The following PCDH7 variants were observed in gnomAD, a reference collection of about 807,000 sequenced individuals.
The protein encoded by PCDH7 is protocadherin-7.
PCDH7 carries 17 observed loss-of-function variants against 58.9 expected under a neutral mutation model. The ratio of observed to expected loss-of-function variants is 0.29; its 90% CI spans 0.20 to 0.43. The LOEUF (loss-of-function observed/expected upper bound fraction) is 0.43. Ranked by LOEUF, PCDH7 falls within the 20% of genes least tolerant of loss-of-function variation. The probability of loss-of-function intolerance (pLI) is 1.00; values close to 1 mark genes in which losing one functional copy is unlikely to be tolerated. For synonymous variants in PCDH7, 664 were observed against 616.4 expected, an observed-to-expected ratio of 1.08 and a Z score of -1.14; for missense variants, 1,274 against 1,441.0, an observed-to-expected ratio of 0.88 and a Z score of 1.88.
intron 1 of PCDH7, among the ~76,000 whole-genome samples, chr4:30,819,611 G>T (rs1456222133): frequency 2.6e-5 from 4 of 152,130 alleles, no homozygotes; most frequent in Admixed American, 6.6e-5. Context: ...TTTGATGGGG[G>T]TGTTATGATA....
intron 1 of PCDH7, among the ~76,000 whole-genome samples, chr4:30,801,154 G>T (rs2109306267): frequency 1.3e-5 from 2 of 152,210 alleles, no homozygotes; most frequent in Middle Eastern, 3.4e-3. Context: ...GTTAGATGTT[G>T]GGAAAAGATT....
intron 3 of PCDH7, among the ~76,000 whole-genome samples, chr4:31,049,484 G>A (rs1255449802): frequency 3.9e-5 from 6 of 152,070 alleles, no homozygotes; most frequent in Non-Finnish European, 7.4e-5. Flanking sequence ...CAAGAAATAA[G>A]CTACATTTCT....
At chr4:30,777,301 T>C (rs1722197555) in intron 1 of PCDH7, among the ~76,000 whole-genome samples, 2 of 152,296 alleles carry the variant, frequency 1.3e-5, no homozygotes, top group East Asian at 3.9e-4. Flanking sequence ...TTGAAACTCT[T>C]AACATGTTTT....
intron 3 of PCDH7, among the ~76,000 whole-genome samples, chr4:31,103,839 T>A (rs1715211168): frequency 6.6e-6 from 1 of 152,212 alleles, no homozygotes; most frequent in Non-Finnish European, 1.5e-5. Context: ...GTGTGAGATT[T>A]CTAAGCATAG....
At chr4:30,757,700 C>T (rs547639054) in intron 1 of PCDH7, among the ~76,000 whole-genome samples, 1 of 152,292 alleles carries the variant, frequency 6.6e-6, no homozygotes, top group Admixed American at 6.5e-5. Flanking sequence ...AGTCTTCATT[C>T]GACATACACT....
intron 2 of PCDH7, among the ~76,000 whole-genome samples, chr4:30,926,250 T>C (rs1192698072): frequency 6.7e-6 from 1 of 149,970 alleles, no homozygotes; most frequent in Non-Finnish European, 1.5e-5. Flanking sequence ...AGTGGCACAA[T>C]CTCGGCTCAC....
chr4:30,742,769 T>C (rs1393568900), intron 1 of PCDH7, among the ~76,000 whole-genome samples: 1 of 152,162 alleles, frequency 6.6e-6, no homozygotes, highest in East Asian at 1.9e-4. Flanking sequence ...TTCGGCTTCA[T>C]ATGAGAAAGA....
chr4:31,135,379 G>A (rs181030600), intron 3 of PCDH7, among the ~76,000 whole-genome samples: 6 of 152,234 alleles, frequency 3.9e-5, no homozygotes, highest in South Asian at 2.1e-4. Flanking sequence ...ACCATGACAC[G>A]TGATGAATAA....
At chr4:30,761,891 G>C (rs1720078506) in intron 1 of PCDH7, among the ~76,000 whole-genome samples, 1 of 152,176 alleles carries the variant, frequency 6.6e-6, no homozygotes, top group Non-Finnish European at 1.5e-5. Context: ...AACTCACAGA[G>C]AAGTGAGAGA....
chr4:30,969,625 A>G (rs565812096), intron 3 of PCDH7, among the ~76,000 whole-genome samples: 2 of 152,290 alleles, frequency 1.3e-5, no homozygotes, highest in African/African-American at 4.8e-5. Context: ...TGCTTGGAAG[A>G]TAGTTGGGAA....
intron 1 of PCDH7, among the ~76,000 whole-genome samples, chr4:30,898,246 C>T (rs1739711360): frequency 2.0e-5 from 3 of 152,174 alleles, no homozygotes; most frequent in East Asian, 3.9e-4. Flanking sequence ...ACTCTGCCAT[C>T]GGTATAAAAC....
chr4:30,949,781 G>A (rs1747150308), intron 2 of PCDH7, among the ~76,000 whole-genome samples: 1 of 151,928 alleles, frequency 6.6e-6, no homozygotes, highest in African/African-American at 2.4e-5. Flanking sequence ...TGGTATTAGA[G>A]TCATCTTATA....
At chr4:31,107,896 T>G (rs2109307557) in intron 3 of PCDH7, among the ~76,000 whole-genome samples, 1 of 152,296 alleles carries the variant, frequency 6.6e-6, no homozygotes, top group South Asian at 2.1e-4. Flanking sequence ...ATATGTAAAA[T>G]ACTTTTGCAA....
intron 1 of PCDH7, among the ~76,000 whole-genome samples, chr4:30,851,491 T>C (rs1732738134): frequency 6.6e-6 from 1 of 151,850 alleles, no homozygotes; most frequent in South Asian, 2.1e-4. Flanking sequence ...TTTTCTGACT[T>C]AGTGTCAAGC....
chr4:30,725,988 A>G (rs1422572125), intron 1 of PCDH7, among the ~76,000 whole-genome samples: 5 of 152,094 alleles, frequency 3.3e-5, no homozygotes, highest in Non-Finnish European at 7.4e-5. Flanking sequence ...ACCAGTTCAA[A>G]CTACATTTGC....
intron 1 of PCDH7, among the ~76,000 whole-genome samples, chr4:30,790,001 T>C (rs893994547): frequency 6.6e-6 from 1 of 152,204 alleles, no homozygotes; most frequent in Non-Finnish European, 1.5e-5. Flanking sequence ...TGAAAACTTA[T>C]GTGCAGAATC....
At chr4:30,981,244 A>C (rs1172094794) in intron 3 of PCDH7, among the ~76,000 whole-genome samples, 1 of 152,208 alleles carries the variant, frequency 6.6e-6, no homozygotes, top group Non-Finnish European at 1.5e-5. Context: ...TGTTATTTGT[A>C]GATTATTATT....
intron 3 of PCDH7, among the ~76,000 whole-genome samples, chr4:31,077,338 G>A (rs1759085832): frequency 6.6e-6 from 1 of 151,326 alleles, no homozygotes; most frequent in African/African-American, 2.4e-5. Flanking sequence ...GAGCCCAGGA[G>A]GCAGAGGTTG....
At chr4:31,052,906 TTTTTTCTCC>T (rs1756873577) in intron 3 of PCDH7, among the ~76,000 whole-genome samples, 1 of 152,130 alleles carries the variant, frequency 6.6e-6, no homozygotes, top group South Asian at 2.1e-4. Flanking sequence ...TATGTAACAA[TTTTTTCTCC>T]TTTTTCTCTT....
Sources: gnomAD v4.1 joint callset for allele counts (sites outside exome capture counted in the v4.1 genomes callset) on GRCh38, gnomAD v4.1.1 for gene constraint, MANE v1.5 for transcripts, NCBI Gene and HGNC (gene_info 2026-07-23, HGNC 2026-07-21) for gene names.